SAMMSON: variants seen among roughly 807,000 people sequenced by gnomAD.
SAMMSON encodes survival associated mitochondrial melanoma specific oncogenic non-coding RNA.
At chr3:70,187,716 C>A (rs6549294) in intron 4 of SAMMSON, among the ~76,000 whole-genome samples, 7 of 151,812 alleles carry the variant, frequency 4.6e-5, no homozygotes, top group Admixed American at 1.3e-4. Context: ...GATTACAGGC[C>A]TGAGCCACCG....
At chr3:70,083,437 C>T (rs1002586452) in intron 4 of SAMMSON, among the ~76,000 whole-genome samples, 1 of 152,182 alleles carries the variant, frequency 6.6e-6, no homozygotes, top group Admixed American at 6.5e-5. Flanking sequence ...TCCCCGACTT[C>T]TAGCAACTCA....
intron 4 of SAMMSON, among the ~76,000 whole-genome samples, chr3:70,087,687 T>A (rs901118002): frequency 3.9e-5 from 6 of 152,134 alleles, no homozygotes; most frequent in African/African-American, 1.4e-4. Context: ...GAAGGCATTA[T>A]CCTTGTTATT....
chr3:70,351,512 T>C (rs1025657786), intron 7 of SAMMSON, among the ~76,000 whole-genome samples: 18 of 152,084 alleles, frequency 1.2e-4, no homozygotes, highest in African/African-American at 4.3e-4. Context: ...AGCTAAACCC[T>C]CTAAATATTA....
At chr3:70,387,552 T>C (rs1420819757) in intron 9 of SAMMSON, among the ~76,000 whole-genome samples, 1 of 152,118 alleles carries the variant, frequency 6.6e-6, no homozygotes, top group African/African-American at 2.4e-5. Flanking sequence ...ACCTGCACAA[T>C]TAACTTGAAG....
intron 3 of SAMMSON, among the ~76,000 whole-genome samples, chr3:70,053,027 TGCTCTGA>T (rs2067152096): frequency 6.6e-6 from 1 of 152,164 alleles, no homozygotes; most frequent in Non-Finnish European, 1.5e-5. Context: ...AGCCTATCAG[TGCTCTGA>T]AAAGCAGAGC....
rs1393594151 is a variant in SAMMSON at position 70,397,766 on chromosome 3, ATTT to A, written n.233+39443_233+39445del. 5.9e-5 allele frequency among the ~76,000 whole-genome samples: 9 copies of A among 152,258 alleles called. No individual in the cohort carries two copies. The East Asian group carries it at 1.7e-3, about 29-fold the overall frequency. ...AATTACCTTCAGAAACATGCTGCCA[ATTT>A]ACACTCTCAACATCAGGAAAAGAGA... On this transcript the variant is annotated intron_variant and non_coding_transcript_variant, in intron 2 of 3. Transcript: ENST00000641053.
chr3:70,308,824 T>C (rs572284584), intron 7 of SAMMSON, among the ~76,000 whole-genome samples: 23 of 152,272 alleles, frequency 1.5e-4, no homozygotes, highest in Admixed American at 5.9e-4. Flanking sequence ...TAGTAACTCC[T>C]GTTGCTTGCA....
chr3:70,037,161 G>A (rs945921643), intron 3 of SAMMSON, among the ~76,000 whole-genome samples: 1 of 145,112 alleles, frequency 6.9e-6, no homozygotes, highest in African/African-American at 2.5e-5. Context: ...CTATTGATTT[G>A]TTTTTTTTTT....
intron 6 of SAMMSON, among the ~76,000 whole-genome samples, chr3:70,277,060 A>T (rs537560261): frequency 7.9e-5 from 12 of 152,274 alleles, no homozygotes; most frequent in African/African-American, 1.9e-4. Context: ...GAAATGAGTG[A>T]AATCAGAATT....
intron 4 of SAMMSON, among the ~76,000 whole-genome samples, chr3:70,113,301 T>C (rs2067397094): frequency 1.3e-5 from 2 of 152,228 alleles, no homozygotes; most frequent in African/African-American, 4.8e-5. Context: ...AATCAATTTT[T>C]CCATGTTATT....
intron 9 of SAMMSON, among the ~76,000 whole-genome samples, chr3:70,377,928 G>T (rs1350354794): frequency 6.6e-6 from 1 of 151,826 alleles, no homozygotes; most frequent in Middle Eastern, 3.2e-3. Flanking sequence ...CCATCAGACT[G>T]ACAAACATTT....
chr3:70,001,418 C>T (rs1001568517), intron 1 of SAMMSON, among the ~76,000 whole-genome samples: 1 of 149,116 alleles, frequency 6.7e-6, no homozygotes, highest in African/African-American at 2.5e-5. Flanking sequence ...AACTTAGGGC[C>T]TAATGGGAGA....
chr3:70,146,766 G>A (rs888912259), intron 4 of SAMMSON, among the ~76,000 whole-genome samples: 4 of 151,928 alleles, frequency 2.6e-5, no homozygotes, highest in African/African-American at 9.7e-5. Context: ...ACAAAGCAAA[G>A]ATGTACACTT....
intron 7 of SAMMSON, among the ~76,000 whole-genome samples, chr3:70,308,422 T>C (rs1355866760): frequency 6.6e-6 from 1 of 152,138 alleles, no homozygotes; most frequent in Non-Finnish European, 1.5e-5. Context: ...TCTCCAAGCA[T>C]GGTTTTAAAA....
chr3:70,022,349 A>G (rs2067017215), intron 3 of SAMMSON, among the ~76,000 whole-genome samples: 1 of 149,948 alleles, frequency 6.7e-6, no homozygotes, highest in Non-Finnish European at 1.5e-5. Context: ...GGTGCAGTAC[A>G]CCAACATGGC....
At chr3:70,314,313 C>G (rs1702480213) in intron 7 of SAMMSON, among the ~76,000 whole-genome samples, 1 of 152,104 alleles carries the variant, frequency 6.6e-6, no homozygotes, top group South Asian at 2.1e-4. Flanking sequence ...CAGTATTTTC[C>G]TTTGTTCCAA....
intron 9 of SAMMSON, among the ~76,000 whole-genome samples, chr3:70,383,484 T>C (rs1477605335): frequency 1.3e-5 from 2 of 152,104 alleles, no homozygotes; most frequent in Non-Finnish European, 2.9e-5. Flanking sequence ...TGACCGCTCA[T>C]GTTCTTTGAG....
At chr3:70,249,318 T>C (rs1322601112) in intron 5 of SAMMSON, 1 of 152,158 alleles carries the variant, frequency 6.6e-6, no homozygotes, top group Non-Finnish European at 1.5e-5. Context: ...GAAGTTATAA[T>C]GTGAATTTGG....
intron 4 of SAMMSON, among the ~76,000 whole-genome samples, chr3:70,090,664 A>G (rs1251282655): frequency 6.6e-6 from 1 of 152,094 alleles, no homozygotes; most frequent in Non-Finnish European, 1.5e-5. Flanking sequence ...ACATAATTGC[A>G]GAAAAGATAA....
Sources: gnomAD v4.1 joint callset for allele counts (sites outside exome capture counted in the v4.1 genomes callset) on GRCh38, gnomAD v4.1.1 for gene constraint, MANE v1.5 for transcripts, NCBI Gene and HGNC (gene_info 2026-07-23, HGNC 2026-07-21) for gene names.